The following SYT6 variants were observed in gnomAD, a reference collection of about 807,000 sequenced individuals.
The protein encoded by SYT6 is synaptotagmin-6.
Under a neutral mutation model 38.4 loss-of-function variants are expected in SYT6, and 24 were observed. The ratio of observed to expected loss-of-function variants is 0.62; its 90% CI spans 0.45 to 0.88. The LOEUF (loss-of-function observed/expected upper bound fraction) is 0.88, where lower values mean the gene tolerates loss of function less well. Ranked by LOEUF, SYT6 falls within the 40% of genes least tolerant of loss-of-function variation. The pLI is 0.00. For missense variants in SYT6, 611 were observed against 621.0 expected (o/e 0.98, Z 0.17); for synonymous variants, 265 against 241.9 (o/e 1.10, Z -0.89).
In SYT6 at chr1:114,137,993, GC is replaced by G; in HGVS notation, c.572del (p.Gly191AlafsTer56). On this transcript the variant is annotated frameshift_variant, in exon 3 of 8. Coordinates refer to ENST00000610222, the MANE Select transcript of SYT6 (RefSeq NM_001253772.2). LOFTEE classifies it high-confidence loss of function. Reference protein sequence around the residue: ...RQMHVSSVDYGNELPPAAEQP... With the variant: ...RQMHVSSVDYXNELPPAAEQP... ...GCTCTGCTGCTGGTGGAAGCTCATT[GC>G]CATAGTCTACACTGGAGACATGCAT... 1.2e-6 allele frequency: 2 copies of G among 1,614,020 alleles called. No homozygotes were observed. The highest frequency in any genetic ancestry group is 1.7e-6 in the Non-Finnish European group (2 of 1,180,004).
intron 3 of SYT6, among the ~76,000 whole-genome samples, chr1:114,131,627 G>A (rs1678160947): frequency 6.6e-6 from 1 of 152,208 alleles, no homozygotes; most frequent in Non-Finnish European, 1.5e-5. Flanking sequence ...GTCAGCCTGG[G>A]CACCCTGATA....
intron 4 of SYT6, among the ~76,000 whole-genome samples, chr1:114,102,799 C>T (rs1167856926): frequency 2.0e-5 from 3 of 151,666 alleles, no homozygotes; most frequent in Non-Finnish European, 4.4e-5. Context: ...AGGCTTCACC[C>T]CATTTCACTC....
chr1:114,128,176 C>T (rs1220456733), intron 3 of SYT6, among the ~76,000 whole-genome samples: 1 of 152,206 alleles, frequency 6.6e-6, no homozygotes, highest in Non-Finnish European at 1.5e-5. Flanking sequence ...ACCTTTACAC[C>T]CACTGGGGCT....
At chr1:114,122,966 T>C (rs1677510365) in intron 3 of SYT6, among the ~76,000 whole-genome samples, 1 of 152,214 alleles carries the variant, frequency 6.6e-6, no homozygotes, top group African/African-American at 2.4e-5. Flanking sequence ...TTGTCAGCAT[T>C]AGAATCCTGA....
chr1:114,116,611 A>G (rs1446699017), intron 3 of SYT6, among the ~76,000 whole-genome samples: 1 of 152,058 alleles, frequency 6.6e-6, no homozygotes, highest in African/African-American at 2.4e-5. Context: ...CTCAAAATTC[A>G]TTCCCTTGGT....
chr1:114,121,616 C>A (rs529591498), intron 3 of SYT6, among the ~76,000 whole-genome samples: 19 of 152,204 alleles, frequency 1.2e-4, no homozygotes, highest in Admixed American at 5.2e-4. Context: ...TAATACTTTA[C>A]CTTGAGGCAA....
At chr1:114,093,531 G>A (rs1470163385) in intron 7 of SYT6, among the ~76,000 whole-genome samples, 2 of 152,142 alleles carry the variant, frequency 1.3e-5, no homozygotes, top group Non-Finnish European at 2.9e-5. Context: ...TCTTGTTCTC[G>A]CAAATAAGAA....
At chr1:114,103,101 T>C (rs1274451041) in intron 4 of SYT6, among the ~76,000 whole-genome samples, 1 of 152,204 alleles carries the variant, frequency 6.6e-6, no homozygotes, top group Non-Finnish European at 1.5e-5. Context: ...CAAATGCATT[T>C]TGCTTTTCAG....
chr1:114,105,976 C>T lies in SYT6; in HGVS notation c.1072-2255G>A, dbSNP rs545433698. On this transcript the variant is annotated intron_variant, in intron 3 of 7. Coordinates refer to ENST00000610222, the MANE Select transcript of SYT6 (RefSeq NM_001253772.2). ...CACCCTCGACATGCAGATGGTCTAGCGGGGCGTAACCAGTTAAAAGAAGGT... is the reference window on the plus strand; with the variant it reads ...CACCCTCGACATGCAGATGGTCTAGTGGGGCGTAACCAGTTAAAAGAAGGT... Among the ~76,000 whole-genome samples, 5 of 152,280 alleles carry T rather than the reference C, an allele frequency of 3.3e-5. No individual in the cohort carries two copies. In the South Asian group the frequency reaches 6.2e-4, roughly 19 times the overall value.
intron 4 of SYT6, among the ~76,000 whole-genome samples, chr1:114,103,389 A>G (rs1419998368): frequency 2.6e-5 from 4 of 152,266 alleles, no homozygotes; most frequent in Non-Finnish European, 5.9e-5. Context: ...CAACCCATGT[A>G]AGATATTATT....
intron 3 of SYT6, among the ~76,000 whole-genome samples, chr1:114,129,714 G>T (rs533881678): frequency 6.7e-6 from 1 of 149,380 alleles, no homozygotes; most frequent in African/African-American, 2.5e-5. Flanking sequence ...CTGTTGGCCA[G>T]TCTGATGGAT....
At chr1:114,109,389 T>A (rs1676535617) in intron 3 of SYT6, among the ~76,000 whole-genome samples, 1 of 152,156 alleles carries the variant, frequency 6.6e-6, no homozygotes. Context: ...AACAAATGGT[T>A]GAGAATGTGG....
Position 114,090,255 on chromosome 1 carries a change from C to A in SYT6, c.*1879G>T, listed in dbSNP as rs757351785. ...GGGTTTTTTCTCACTCTCAGGAGAACACCCAAATGTAGGACTACCAGACTA... is the reference window on the plus strand; with the variant it reads ...GGGTTTTTTCTCACTCTCAGGAGAAAACCCAAATGTAGGACTACCAGACTA... On this transcript the variant is annotated 3_prime_UTR_variant, in exon 8 of 8. Transcript: ENST00000610222. 6.6e-5 allele frequency: 10 copies of A among 152,350 alleles called. No individual in the cohort carries two copies. The highest frequency in any genetic ancestry group is 1.3e-4 in the Non-Finnish European group (9 of 68,044). The allele number at this position is 152,350 out of a possible 1,614,324, so 9.4% of individuals were successfully genotyped here.
chr1:114,095,677 T>C (rs905344167), intron 6 of SYT6, among the ~76,000 whole-genome samples: 1 of 151,444 alleles, frequency 6.6e-6, no homozygotes, highest in African/African-American at 2.4e-5. Context: ...TTTTTTTTTT[T>C]TGAGATGGAG....
At chr1:114,144,928 A>G (rs1679078968) in intron 1 of SYT6, among the ~76,000 whole-genome samples, 3 of 151,940 alleles carry the variant, frequency 2.0e-5, no homozygotes, top group Non-Finnish European at 4.4e-5. Context: ...TGAGCCACCT[A>G]CCACCACCCC....
intron 2 of SYT6, among the ~76,000 whole-genome samples, chr1:114,138,519 G>C (rs1678648497): frequency 6.6e-6 from 1 of 152,170 alleles, no homozygotes; most frequent in African/African-American, 2.4e-5. Context: ...AGTGGTAAAA[G>C]CATGGGCTTT....
intron 1 of SYT6, among the ~76,000 whole-genome samples, chr1:114,149,240 T>TGTGCGCGCATGTGTGTGTGTGTGTG (rs369263313): frequency 1.4e-5 from 2 of 146,884 alleles, no homozygotes; most frequent in East Asian, 2.0e-4. Flanking sequence ...TGTGTGTGTG[T>TGTGCGCGCATGTGTGTGTGTGTGTG]TGGGAGAACA....
At position 114,099,075 on chromosome 1, in the gene SYT6, C is replaced by A. The variant is rs773381544; in HGVS notation, c.1364+19G>T. The A allele has an allele frequency of 6.2e-7, 1 of 1,603,062 alleles. No individual in the cohort carries two copies. Among genetic ancestry groups the A allele is most frequent in the East Asian group, 2.2e-5 (1 of 44,752 alleles). On this transcript the variant is annotated intron_variant, in intron 5 of 7. Transcript: ENST00000610222. ...GGGAGTGAGGGGTAGAATTACGTCCCTCTAGGACGCCTACCTACCGATCAT... is the reference window on the plus strand; with the variant it reads ...GGGAGTGAGGGGTAGAATTACGTCCATCTAGGACGCCTACCTACCGATCAT...
chr1:114,124,041 A>C (rs1451283657), intron 3 of SYT6, among the ~76,000 whole-genome samples: 2 of 152,154 alleles, frequency 1.3e-5, no homozygotes, highest in East Asian at 1.9e-4. Flanking sequence ...CAGAACTGGG[A>C]GGGTTGAGAT....
Sources: allele counts gnomAD v4.1 joint callset (sites outside exome capture counted in the v4.1 genomes callset), GRCh38; gene constraint gnomAD v4.1.1; transcripts MANE v1.5; gene names NCBI Gene and HGNC (gene_info 2026-07-23, HGNC 2026-07-21).